CCDC102B: variants seen among roughly 807,000 people sequenced by gnomAD.
CCDC102B encodes the protein coiled-coil domain-containing protein 102B.
CCDC102B carries 75 observed loss-of-function variants against 57.4 expected under a neutral mutation model. That is an observed-to-expected ratio of 1.31 (90% CI 1.08 to 1.58). The LOEUF (loss-of-function observed/expected upper bound fraction) is 1.58, where lower values mean the gene tolerates loss of function less well. Ranked by LOEUF, CCDC102B falls within the 40% of genes most tolerant of loss-of-function variation. The pLI is 0.00. For missense variants in CCDC102B, 636 were observed against 582.6 expected, an observed-to-expected ratio of 1.09 and a Z score of -0.94; for synonymous variants, 206 against 201.9, an observed-to-expected ratio of 1.02 and a Z score of -0.17.
intron 5 of CCDC102B, among the ~76,000 whole-genome samples, chr18:68,892,047 G>A (rs1366342079): frequency 3.3e-5 from 5 of 152,224 alleles, no homozygotes; most frequent in African/African-American, 1.2e-4. Context: ...CTCTTTTGTC[G>A]ATACAGTGAA....
intron 6 of CCDC102B, among the ~76,000 whole-genome samples, chr18:68,931,879 G>C (rs2041684793): frequency 1.3e-5 from 2 of 151,910 alleles, no homozygotes; most frequent in South Asian, 4.1e-4. Flanking sequence ...GTGTGTCTAG[G>C]AACAAGAGGA....
At chr18:68,861,354 AG>A in intron 4 of CCDC102B, among the ~76,000 whole-genome samples, 1 of 152,132 alleles carries the variant, frequency 6.6e-6, no homozygotes, top group Admixed American at 6.5e-5. Context: ...ATGACATATA[AG>A]TTTTGACTGG....
rs1348377746 is a variant in CCDC102B, at chr18:68,942,826, C to T, written c.1263+45398C>T. Among the ~76,000 whole-genome samples the T allele has an allele frequency of 3.3e-5, 5 of 150,174 alleles. No individual in the cohort carries two copies. In the South Asian group the frequency reaches 1.1e-3, roughly 32 times the overall value. On this transcript the variant is annotated intron_variant, in intron 6 of 7. Transcript: ENST00000360242. ...CTCAGCACAGACCCTTTACAGGTGT[C>T]GGGCTGGGGTACGGTCAGGTCTTTC...
chr18:68,797,418 C>T (rs1036540428), upstream of CCDC102B, among the ~76,000 whole-genome samples: 3 of 151,828 alleles, frequency 2.0e-5, no homozygotes, highest in Non-Finnish European at 4.4e-5. Flanking sequence ...TGTGATCTCT[C>T]GCCTCCCCCC....
At chr18:69,023,827 T>A (rs4580288) in intron 7 of CCDC102B, among the ~76,000 whole-genome samples, 11,735 of 152,042 alleles carry the variant, frequency 0.077, 1,517 homozygotes, top group African/African-American at 0.27. Flanking sequence ...ACATTTAAAG[T>A]TAAAGCATTT....
chr18:68,808,461 T>C (rs1011258147), intron 1 of CCDC102B, among the ~76,000 whole-genome samples: 10 of 150,538 alleles, frequency 6.6e-5, no homozygotes, highest in Non-Finnish European at 1.2e-4. Flanking sequence ...TTTCATTGCT[T>C]TTACTACTTT....
At position 69,054,390 on chromosome 18, in the gene CCDC102B, A is replaced by G; in HGVS notation, c.*253A>G. 8.9e-7 allele frequency: 1 copy of G among 1,126,750 alleles called. No individual in the cohort carries two copies. The highest frequency in any genetic ancestry group is 1.1e-6 in the Non-Finnish European group (1 of 921,576). 69.8% of individuals were successfully genotyped at this position (1,126,750 alleles called of 1,614,324 possible). A position where few individuals can be genotyped will look rare whatever the true frequency, so the allele number is the denominator to read the frequency against. On this transcript the variant is annotated 3_prime_UTR_variant, in exon 8 of 8. Coordinates refer to ENST00000360242, the MANE Select transcript of CCDC102B (RefSeq NM_024781.3). The stretch of plus-strand genomic sequence containing the variant: ...AAGATGTGTAAATATTTTGAAAGTC[A>G]AAAAGGGCTTTCAGAATACTTTTTA...
chr18:68,953,106 G>C (rs2145201403), intron 6 of CCDC102B, among the ~76,000 whole-genome samples: 1 of 152,156 alleles, frequency 6.6e-6, no homozygotes, highest in Admixed American at 6.5e-5. Context: ...ATACTGAAAA[G>C]AGTCTCAGAA....
intron 6 of CCDC102B, among the ~76,000 whole-genome samples, chr18:68,936,011 G>C (rs1200205742): frequency 6.6e-6 from 1 of 151,946 alleles, no homozygotes; most frequent in African/African-American, 2.4e-5. Context: ...AAAATATGCA[G>C]TGTTTCCAGC....
At chr18:68,861,119 A>G (rs1008691239) in intron 4 of CCDC102B, among the ~76,000 whole-genome samples, 4 of 103,994 alleles carry the variant, frequency 3.8e-5, no homozygotes, top group African/African-American at 1.5e-4. Flanking sequence ...TTGTTTAGCT[A>G]TCATTATTAA....
chr18:69,038,038 A>C (rs2052341576), intron 7 of CCDC102B, among the ~76,000 whole-genome samples: 2 of 152,054 alleles, frequency 1.3e-5, no homozygotes, highest in Non-Finnish European at 2.9e-5. Context: ...AAAATATCAG[A>C]ATGTTTAAGC....
intron 7 of CCDC102B, among the ~76,000 whole-genome samples, chr18:69,035,427 C>A (rs1433075460): frequency 1.3e-5 from 2 of 151,938 alleles, no homozygotes; most frequent in Non-Finnish European, 2.9e-5. Flanking sequence ...TCAGAATCAT[C>A]ATCATGGGTT....
chr18:68,938,629 A>G (rs961023456), intron 6 of CCDC102B, among the ~76,000 whole-genome samples: 42 of 151,858 alleles, frequency 2.8e-4, no homozygotes, highest in Middle Eastern at 3.4e-3. Context: ...TATACTTAAA[A>G]TCATTATACA....
chr18:68,859,000 G>T (rs148485139), intron 4 of CCDC102B: 5 of 152,294 alleles, frequency 3.3e-5, no homozygotes, highest in Non-Finnish European at 5.9e-5. Context: ...TGGCCCTTGC[G>T]CAAGGATGAC....
At chr18:68,883,815 A>C (rs1333431055) in intron 5 of CCDC102B, among the ~76,000 whole-genome samples, 1 of 152,210 alleles carries the variant, frequency 6.6e-6, no homozygotes, top group African/African-American at 2.4e-5. Flanking sequence ...TCAAAGGAAA[A>C]TAGAGACTGG....
intron 1 of CCDC102B, among the ~76,000 whole-genome samples, chr18:68,819,383 T>G (rs2036610422): frequency 6.6e-6 from 1 of 152,048 alleles, no homozygotes; most frequent in Non-Finnish European, 1.5e-5. Flanking sequence ...ATAAATTAGG[T>G]CCCCAGAGAT....
intron 6 of CCDC102B, among the ~76,000 whole-genome samples, chr18:68,926,936 G>C (rs960621969): frequency 2.0e-5 from 3 of 151,936 alleles, no homozygotes; most frequent in Non-Finnish European, 4.4e-5. Flanking sequence ...CGTTAATTAG[G>C]ATAGATAAAA....
intron 2 of CCDC102B, among the ~76,000 whole-genome samples, chr18:68,746,642 C>G (rs1568229482): frequency 6.6e-6 from 1 of 151,964 alleles, no homozygotes; most frequent in Admixed American, 6.6e-5. Context: ...TCTTTTGAGT[C>G]TTATACCTTA....
intron 6 of CCDC102B, among the ~76,000 whole-genome samples, chr18:68,999,475 G>A: frequency 6.6e-6 from 1 of 151,520 alleles, no homozygotes; most frequent in Non-Finnish European, 1.5e-5. Flanking sequence ...GTATGGTGGT[G>A]CATGCCTGTA....
Sources: allele counts gnomAD v4.1 joint callset (sites outside exome capture counted in the v4.1 genomes callset), GRCh38; gene constraint gnomAD v4.1.1; transcripts MANE v1.5; gene names NCBI Gene and HGNC (gene_info 2026-07-23, HGNC 2026-07-21).